DSCAML1: variants seen among roughly 807,000 people sequenced by gnomAD.
The protein encoded by DSCAML1 is cell adhesion molecule DSCAML1.
DSCAML1 carries 38 observed loss-of-function variants against 200.5 expected under a neutral mutation model. The observed-to-expected ratio is 0.19, with a 90% CI of 0.15 to 0.25. The LOEUF is 0.25. DSCAML1 is among the 10% of genes least tolerant of loss of function. DSCAML1 has a pLI of 1.00. For synonymous variants in DSCAML1, 1,215 were observed against 1,165.0 expected (o/e 1.04, Z -0.87); for missense variants, 2,223 against 2,858.8 (o/e 0.78, Z 5.07).
intron 6 of DSCAML1, among the ~76,000 whole-genome samples, chr11:117,519,789 C>T (rs2049851702): frequency 6.6e-6 from 1 of 152,202 alleles, no homozygotes; most frequent in Admixed American, 6.5e-5. Context: ...CACTGCACTC[C>T]AGCCTGGGCA....
intron 3 of DSCAML1, among the ~76,000 whole-genome samples, chr11:117,645,538 G>A (rs887635631): frequency 1.3e-5 from 2 of 151,892 alleles, no homozygotes; most frequent in Admixed American, 1.3e-4. Context: ...AAGAAAATGT[G>A]GCACATATAC....
rs575001357 is a variant in DSCAML1, at chr11:117,521,351, G to A, written c.992C>T (p.Thr331Met). ...CGTCAGGGCACAGGAGAGGATGACC[G>A]TGCTGCCAATGCCGGTCTTCAGCTT... ...PKKLKTGIGS[T>M]VILSCALTGS... The change falls in exon 6 of 33, where the codon ACG becomes ATG. Residue 331 changes from threonine (T) to methionine (M), a missense_variant. Physicochemically the swap from Thr to Met is moderately conservative, Grantham distance 81. Coordinates refer to ENST00000651296, the MANE Select transcript of DSCAML1 (RefSeq NM_020693.4). 1.9e-5 allele frequency: 30 copies of A among 1,614,182 alleles called. No homozygotes were observed. In the Admixed American group the frequency reaches 2.0e-4, roughly 11 times the overall value.
At chr11:117,695,690 C>T (rs903234602) in intron 3 of DSCAML1, among the ~76,000 whole-genome samples, 6 of 152,260 alleles carry the variant, frequency 3.9e-5, no homozygotes, top group Non-Finnish European at 7.4e-5. Flanking sequence ...AGGATGAGCA[C>T]TCCAAGAAGC....
At chr11:117,794,492 C>G (rs973321977) in intron 1 of DSCAML1, among the ~76,000 whole-genome samples, 2 of 152,056 alleles carry the variant, frequency 1.3e-5, no homozygotes, top group East Asian at 3.9e-4. Context: ...AAGCTTAAAA[C>G]ACATTCAATA....
intron 11 of DSCAML1, among the ~76,000 whole-genome samples, chr11:117,499,922 G>A (rs562459295): frequency 6.6e-5 from 10 of 152,258 alleles, no homozygotes; most frequent in East Asian, 3.8e-4. Flanking sequence ...CCAGACCCTC[G>A]GACTCCTGGA....
chr11:117,487,070 G>A (rs905488084), intron 11 of DSCAML1, among the ~76,000 whole-genome samples: 3 of 151,568 alleles, frequency 2.0e-5, no homozygotes, highest in Admixed American at 6.6e-5. Flanking sequence ...GATTACAAGC[G>A]CGTACCACTA....
At chr11:117,709,430 C>G (rs950666128) in intron 3 of DSCAML1, among the ~76,000 whole-genome samples, 1 of 152,130 alleles carries the variant, frequency 6.6e-6, no homozygotes, top group East Asian at 1.9e-4. Context: ...CTAATCCTAT[C>G]GGATTAGGGC....
At chr11:117,809,335 C>T (rs2055736477) in intron 1 of DSCAML1, among the ~76,000 whole-genome samples, 1 of 152,226 alleles carries the variant, frequency 6.6e-6, no homozygotes, top group African/African-American at 2.4e-5. Context: ...GAGGGGAGCC[C>T]TCCTCCCCGC....
At chr11:117,585,537 C>T (rs1370026027) in intron 3 of DSCAML1, among the ~76,000 whole-genome samples, 2 of 152,234 alleles carry the variant, frequency 1.3e-5, no homozygotes, top group Admixed American at 6.5e-5. Flanking sequence ...TGAGCCACCA[C>T]ACCTGGCTTA....
At chr11:117,772,384 T>A (rs2055055426) in intron 3 of DSCAML1, among the ~76,000 whole-genome samples, 1 of 152,126 alleles carries the variant, frequency 6.6e-6, no homozygotes, top group South Asian at 2.1e-4. Context: ...TGCCCGTGTC[T>A]CCCTACCCAC....
intron 3 of DSCAML1, among the ~76,000 whole-genome samples, chr11:117,705,557 G>A (rs1048315097): frequency 4.6e-5 from 7 of 152,174 alleles, no homozygotes; most frequent in Admixed American, 4.6e-4. Flanking sequence ...TGTGGGAGTG[G>A]CCTGGAATTA....
At chr11:117,667,344 A>G (rs608811) in intron 3 of DSCAML1, among the ~76,000 whole-genome samples, 96,914 of 152,046 alleles carry the variant, frequency 0.64, 31,299 homozygotes, top group East Asian at 0.94. Context: ...CCCGGGAGGC[A>G]GAGGTTGTAG....
intron 12 of DSCAML1, 43 bp downstream of exon 12, chr11:117,481,916 ACTCT>A (rs745650720): frequency 6.2e-7 from 1 of 1,608,250 alleles, no homozygotes; most frequent in South Asian, 1.1e-5. Flanking sequence ...CGGGCTCCCC[ACTCT>A]CTGAGAGTTG....
Position 117,598,250 on chromosome 11 carries a change from T to G in DSCAML1, c.512-65728A>C, listed in dbSNP as rs540255199. ...CCTGAAATTTTCCAAGGGGATTACTTTTTGTTATAATGAATTTGTACAAGA... is the reference window on the plus strand; with the variant it reads ...CCTGAAATTTTCCAAGGGGATTACTGTTTGTTATAATGAATTTGTACAAGA... On this transcript the variant is annotated intron_variant, in intron 3 of 32. Transcript: ENST00000651296. Among the ~76,000 whole-genome samples, 201 of 152,346 alleles carry G rather than the reference T, an allele frequency of 1.3e-3. 8 individuals carry two copies. In the South Asian group the frequency reaches 0.041, roughly 31 times the overall value.
In DSCAML1 at chr11:117,430,982, T is replaced by A; in HGVS notation, c.5426A>T (p.Glu1809Val). The stretch of plus-strand genomic sequence containing the variant: ...ATGCTCATAGGCCCGGGCCAGCTCC[T>A]CGTAGGTGGAAGAGGCACTCTCAGT... ...VSTESASSTY[E>V]ELARAYEHAK... The change falls in exon 32 of 33, where the codon GAG (glutamate) becomes GTG (valine). Residue 1809 changes from glutamate to valine, a missense_variant. Physicochemically the swap from Glu to Val is moderately radical, Grantham distance 121 (BLOSUM62 -2). This residue lies in a region of DSCAML1 where 96 missense variants were observed against 160.7 expected (regional missense o/e 0.60). Transcript: ENST00000651296. 6.2e-7 allele frequency: 1 copy of A among 1,614,074 alleles called. No individual in the cohort carries two copies. The highest frequency in any genetic ancestry group is 8.5e-7 in the Non-Finnish European group (1 of 1,180,004).
intron 1 of DSCAML1, among the ~76,000 whole-genome samples, chr11:117,792,574 C>T (rs561783896): frequency 6.0e-5 from 9 of 150,868 alleles, no homozygotes; most frequent in South Asian, 2.1e-4. Context: ...TCTGAAGCCA[C>T]GACCACCTCC....
At chr11:117,614,341 C>A (rs1223076835) in intron 3 of DSCAML1, among the ~76,000 whole-genome samples, 1 of 152,126 alleles carries the variant, frequency 6.6e-6, no homozygotes, top group Non-Finnish European at 1.5e-5. Context: ...CTATATACAC[C>A]ACTGGTTCTT....
intron 11 of DSCAML1, among the ~76,000 whole-genome samples, chr11:117,497,601 G>A (rs2049315763): frequency 1.3e-5 from 2 of 152,252 alleles, no homozygotes; most frequent in South Asian, 2.1e-4. Context: ...CATCACAATG[G>A]CTCATTCTCT....
intron 16 of DSCAML1, among the ~76,000 whole-genome samples, chr11:117,466,952 G>T (rs1182718037): frequency 2.0e-5 from 3 of 152,176 alleles, no homozygotes; most frequent in Non-Finnish European, 4.4e-5. Flanking sequence ...TGCCCCAGAC[G>T]CCAAGGCCAG....
Sources: gnomAD v4.1 joint callset for allele counts (sites outside exome capture counted in the v4.1 genomes callset) on GRCh38, gnomAD v4.1.1 for gene constraint, gnomAD v4.1.1 regional missense constraint, MANE v1.5 for transcripts, NCBI Gene and HGNC (gene_info 2026-07-23, HGNC 2026-07-21) for gene names.